NTM: variants seen among roughly 807,000 people sequenced by gnomAD.
NTM encodes the protein IgLON family member 2.
Under a neutral mutation model 42.1 loss-of-function variants are expected in NTM, and 13 were observed. That is an observed-to-expected ratio of 0.31 (90% CI 0.20 to 0.49). The LOEUF is 0.49. Among genes scored for constraint, NTM ranks in the 20% least tolerant of loss-of-function variants. The pLI is 0.99. For missense variants in NTM, 373 were observed against 452.8 expected, an observed-to-expected ratio of 0.82 and a Z score of 1.60; for synonymous variants, 187 against 179.2, an observed-to-expected ratio of 1.04 and a Z score of -0.35.
intron 1 of NTM, among the ~76,000 whole-genome samples, chr11:131,799,999 T>C (rs1164243209): frequency 6.6e-6 from 1 of 152,176 alleles, no homozygotes; most frequent in African/African-American, 2.4e-5. Flanking sequence ...CCTAAAATTA[T>C]TGGAGGATGT....
intron 4 of NTM, among the ~76,000 whole-genome samples, chr11:132,254,384 C>T (rs2092290188): frequency 6.6e-6 from 1 of 151,374 alleles, no homozygotes; most frequent in Admixed American, 6.6e-5. Context: ...GCTTTGTTTC[C>T]CCCTCACCTT....
rs1249215679 is a variant in NTM at position 131,789,410 on chromosome 11, T to G, written c.83-122154T>G. Among the ~76,000 whole-genome samples, 15 of 73,510 alleles carry G rather than the reference T, an allele frequency of 2.0e-4. 2 individuals carry two copies. Among genetic ancestry groups the G allele is most frequent in the African/African-American group, 9.0e-4 (15 of 16,718 alleles). The allele number at this position is 73,510 out of a possible 152,430, so 48.2% of individuals were successfully genotyped here. A position where few individuals can be genotyped will look rare whatever the true frequency, so the allele number is the denominator to read the frequency against. ...GGGAGCTCAGAAGTATTGCTGCAGT[T>G]AAAAGAAAAAAAGAAGAAGGAAGAA... On this transcript the variant is annotated intron_variant, in intron 1 of 8. Transcript: ENST00000683400.
intron 1 of NTM, among the ~76,000 whole-genome samples, chr11:131,680,673 G>C (rs2072436423): frequency 7.2e-6 from 1 of 139,666 alleles, no homozygotes. Flanking sequence ...GTCTGTGTGT[G>C]AGATCATGCC....
chr11:132,014,969 A>T (rs1338886957), intron 2 of NTM, among the ~76,000 whole-genome samples: 1 of 151,458 alleles, frequency 6.6e-6, no homozygotes, highest in African/African-American at 2.4e-5. Context: ...TCTTGTCTAG[A>T]CCACTGTCCT....
At chr11:132,213,524 A>G (rs2083261760) in intron 4 of NTM, among the ~76,000 whole-genome samples, 2 of 152,098 alleles carry the variant, frequency 1.3e-5, no homozygotes, top group African/African-American at 2.4e-5. Context: ...TCTGTGAGGC[A>G]TAAGTCCTCT....
At chr11:131,645,812 T>C (rs1274589654) in intron 1 of NTM, among the ~76,000 whole-genome samples, 1 of 152,206 alleles carries the variant, frequency 6.6e-6, no homozygotes, top group African/African-American at 2.4e-5. Flanking sequence ...GGACATGGGG[T>C]TATATGGAGC....
At chr11:131,680,906 A>T (rs367561218) in intron 1 of NTM, among the ~76,000 whole-genome samples, 2 of 9,792 alleles carry the variant, frequency 2.0e-4, no homozygotes, top group African/African-American at 2.9e-4. Context: ...TGTGTGTGTG[A>T]GCATGTGTGT....
intron 8 of NTM, chr11:132,332,190 G>C (rs992354352): frequency 6.6e-6 from 1 of 152,262 alleles, no homozygotes. Context: ...TCCTTTGGGA[G>C]GATGTCTCAT....
intron 1 of NTM, among the ~76,000 whole-genome samples, chr11:131,447,995 T>G (rs58800660): frequency 0.028 from 4,210 of 152,330 alleles, 195 homozygotes; most frequent in African/African-American, 0.093. Flanking sequence ...GCCAGTAAGA[T>G]GAAACCTAGA....
At chr11:131,953,262 AT>A (rs1198022126) in intron 2 of NTM, among the ~76,000 whole-genome samples, 1 of 152,046 alleles carries the variant, frequency 6.6e-6, no homozygotes, top group Non-Finnish European at 1.5e-5. Context: ...GGCACGCTCT[AT>A]TTTTTTCCAT....
intron 1 of NTM, among the ~76,000 whole-genome samples, chr11:131,684,841 G>A (rs887260967): frequency 1.3e-5 from 2 of 152,210 alleles, no homozygotes; most frequent in Non-Finnish European, 2.9e-5. Context: ...GTAGGACAAC[G>A]ACACTCCCAG....
At chr11:131,693,357 T>C (rs2135059500) in intron 1 of NTM, among the ~76,000 whole-genome samples, 1 of 152,326 alleles carries the variant, frequency 6.6e-6, no homozygotes, top group South Asian at 2.1e-4. Flanking sequence ...CAAATCTGCC[T>C]GTCACCATGA....
intron 1 of NTM, among the ~76,000 whole-genome samples, chr11:131,825,156 G>A (rs946335941): frequency 8.5e-5 from 13 of 152,132 alleles, no homozygotes; most frequent in Non-Finnish European, 1.6e-4. Flanking sequence ...CCTGGTTATA[G>A]ATGCTTCATC....
At chr11:131,761,589 A>G (rs557772945) in intron 1 of NTM, among the ~76,000 whole-genome samples, 27 of 152,186 alleles carry the variant, frequency 1.8e-4, no homozygotes, top group African/African-American at 6.0e-4. Context: ...AGATCACCTG[A>G]GGTCGGGAGT....
At chr11:131,513,405 G>C (rs547135631) in intron 1 of NTM, among the ~76,000 whole-genome samples, 2 of 152,170 alleles carry the variant, frequency 1.3e-5, no homozygotes, top group African/African-American at 4.8e-5. Flanking sequence ...AGATGGCCAA[G>C]CCAGCTAGAC....
At position 131,421,213 on chromosome 11, in the gene NTM, G is replaced by A. The variant is rs560046054; in HGVS notation, c.82+50325G>A. On this transcript the variant is annotated intron_variant, in intron 1 of 8. Coordinates refer to ENST00000683400, the MANE Select transcript of NTM (RefSeq NM_001352005.2). ...CTGGCTGCAATCTGCCTCCTCCCCT[G>A]GAGCCTAGGGAATGGCTGACTCTCA... Among the ~76,000 whole-genome samples, 3 of 152,298 alleles carry A rather than the reference G, an allele frequency of 2.0e-5. No individual in the cohort carries two copies. The East Asian group carries it at 5.8e-4, about 29-fold the overall frequency.
chr11:131,482,584 C>T (rs1018977169), intron 1 of NTM, among the ~76,000 whole-genome samples: 2 of 152,182 alleles, frequency 1.3e-5, no homozygotes, highest in African/African-American at 2.4e-5. Context: ...GAATCATTAA[C>T]GTGAATCTTC....
intron 1 of NTM, among the ~76,000 whole-genome samples, chr11:131,814,132 C>A (rs1433277725): frequency 3.3e-5 from 5 of 152,334 alleles, no homozygotes; most frequent in Admixed American, 2.6e-4. Context: ...CTCCACTCTT[C>A]TCTCTTCAGA....
chr11:131,709,768 A>T (rs1385532133), intron 1 of NTM, among the ~76,000 whole-genome samples: 1 of 152,182 alleles, frequency 6.6e-6, no homozygotes, highest in Non-Finnish European at 1.5e-5. Context: ...ATAAGATCCT[A>T]AAATGGAGCG....
Sources: allele counts gnomAD v4.1 joint callset (sites outside exome capture counted in the v4.1 genomes callset), GRCh38; gene constraint gnomAD v4.1.1; transcripts MANE v1.5; gene names NCBI Gene and HGNC (gene_info 2026-07-23, HGNC 2026-07-21).